ITPR3: variants seen among roughly 807,000 people sequenced by gnomAD.
ITPR3 encodes the protein inositol 1,4,5-trisphosphate receptor type 3, also known as inositol 1,4,5-trisphosphate-gated calcium channel ITPR3.
Under a neutral mutation model 293.2 loss-of-function variants are expected in ITPR3, and 173 were observed. That is an observed-to-expected ratio of 0.59 (90% CI 0.52 to 0.67). The LOEUF (loss-of-function observed/expected upper bound fraction) is 0.67, where lower values mean the gene tolerates loss of function less well. ITPR3 is among the 30% of genes least tolerant of loss of function. ITPR3 has a pLI of 0.00. For synonymous variants in ITPR3, 1,295 were observed against 1,444.4 expected, an observed-to-expected ratio of 0.90 and a Z score of 2.35; for missense variants, 2,796 against 3,592.1, an observed-to-expected ratio of 0.78 and a Z score of 5.66.
intron 24 of ITPR3, among the ~76,000 whole-genome samples, chr6:33,674,696 T>A (rs185621030): frequency 6.6e-6 from 1 of 152,260 alleles, no homozygotes; most frequent in African/African-American, 2.4e-5. Context: ...GCTTATGGAC[T>A]GCTTTTCAGA....
At position 33,678,726 on chromosome 6, in the gene ITPR3, G is replaced by C. The variant is rs752025396; in HGVS notation, c.3859G>C (p.Val1287Leu). The change falls in exon 30 of 58, where the codon GTG becomes CTG. Residue 1287 changes from valine (V) to leucine (L), a missense_variant. This residue lies in a region of ITPR3 where 344 missense variants were observed against 460.3 expected (regional missense o/e 0.75). Transcript: ENST00000605930. Reference protein sequence around the residue: ...EISEPVLQHFVHLLATHGRHV... With the variant: ...EISEPVLQHFLHLLATHGRHV... ...CAGCGAGCCTGTGTTGCAGCACTTC[G>C]TGCACCTGCTGGCCACGCACGGGCG... The C allele has an allele frequency of 1.2e-6, 2 of 1,613,450 alleles. No individual in the cohort carries two copies. The highest frequency in any genetic ancestry group is 2.2e-5 in the East Asian group (1 of 44,868).
chr6:33,677,777 C>T (rs1481449022), intron 28 of ITPR3, 148 bp downstream of exon 28: 2 of 887,932 alleles, frequency 2.3e-6, no homozygotes, highest in East Asian at 2.7e-5. Context: ...CACACCTTGA[C>T]CCCTGAACCC....
chr6:33,662,943 T>G lies in ITPR3; in HGVS notation c.891T>G (p.Ala297=). ...VVHHDPCRGG[A]GHWNGLYRFK... is the part of the protein sequence containing the mutation. ...ACCACGACCCCTGCCGTGGAGGAGCTGGGCACTGGAATGGCTTGTACCGCT... is the reference window on the plus strand; with the variant it reads ...ACCACGACCCCTGCCGTGGAGGAGCGGGGCACTGGAATGGCTTGTACCGCT... The change falls in exon 9 of 58, where the codon GCT becomes GCG. Residue 297 remains alanine (A), a synonymous_variant. Transcript: ENST00000605930. 1 of 1,605,052 alleles carries G rather than the reference T, an allele frequency of 6.2e-7. No homozygotes were observed. Among genetic ancestry groups the G allele is most frequent in the Admixed American group, 1.7e-5 (1 of 58,946 alleles).
rs1764986894 is a variant in ITPR3 at position 33,678,780 on chromosome 6, A to G, written c.3913A>G (p.Thr1305Ala). ...RHVQYLDFLH[T>A]VIKAEGKYVK... ...TGTGCAGTACCTGGACTTCCTGCACACCGTCATTAAGGCCGAGGGCAAGTA... is the reference window on the plus strand; with the variant it reads ...TGTGCAGTACCTGGACTTCCTGCACGCCGTCATTAAGGCCGAGGGCAAGTA... Residue 1305 changes from threonine to alanine, a missense_variant, in exon 30 of 58, where the codon ACC (threonine) becomes GCC (alanine). Thr to Ala is a moderately conservative substitution (Grantham distance 58). Coordinates refer to ENST00000605930, the MANE Select transcript of ITPR3 (RefSeq NM_002224.4). The G allele has an allele frequency of 1.2e-6, 2 of 1,613,612 alleles. No homozygotes were observed. The highest frequency in any genetic ancestry group is 1.7e-6 in the Non-Finnish European group (2 of 1,179,904).
Position 33,684,048 on chromosome 6 carries a change from T to C in ITPR3, c.4817T>C (p.Leu1606Pro). ...QDIITALEERLKPLVQAELSV... is the reference protein window; with the variant it reads ...QDIITALEERPKPLVQAELSV... ...ATCATCACAGCCCTGGAGGAGCGGC[T>C]GAAGCCCCTGGTACAGGCTGAGCTG... is the stretch of plus-strand genomic sequence containing the variant. The change falls in exon 36 of 58, where the codon CTG becomes CCG. Residue 1606 changes from leucine to proline, a missense_variant. By Grantham distance (98) the Leu-to-Pro change is moderately conservative. Around this residue, in one of 8 missense-constraint regions of ITPR3, gnomAD observed 704 missense variants for 797.5 expected, o/e 0.88. Transcript: ENST00000605930. This position sits in a 1 kb window ranked among gnomAD's most constrained non-coding sequence, Gnocchi z 4.2. 3.1e-6 allele frequency: 5 copies of C among 1,610,992 alleles called. No homozygotes were observed. Among genetic ancestry groups the C allele is most frequent in the Non-Finnish European group, 4.2e-6 (5 of 1,179,658 alleles).
At chr6:33,651,048 G>C (rs531995716) in intron 2 of ITPR3, among the ~76,000 whole-genome samples, 1 of 151,690 alleles carries the variant, frequency 6.6e-6, no homozygotes, top group Non-Finnish European at 1.5e-5. Flanking sequence ...AGGCCGAGAC[G>C]GGTGGATCAC....
At chr6:33,645,004 C>T (rs1382767675) in intron 2 of ITPR3, among the ~76,000 whole-genome samples, 1 of 151,454 alleles carries the variant, frequency 6.6e-6, no homozygotes, top group Non-Finnish European at 1.5e-5. Flanking sequence ...TAAAGGTAGC[C>T]TCCTGGACAA....
At chr6:33,637,366 T>A (rs1432130738) in intron 1 of ITPR3, among the ~76,000 whole-genome samples, 1 of 152,214 alleles carries the variant, frequency 6.6e-6, no homozygotes, top group Non-Finnish European at 1.5e-5. Context: ...GAGATTAATA[T>A]GGAGCAGGAG....
intron 56 of ITPR3, chr6:33,694,678 C>A: frequency 1.9e-6 from 1 of 527,682 alleles, no homozygotes; most frequent in East Asian, 3.4e-5. Flanking sequence ...GACTCAAACT[C>A]AGCTGCCGAC....
chr6:33,628,357 T>C (rs1225464648), intron 1 of ITPR3, among the ~76,000 whole-genome samples: 1 of 152,186 alleles, frequency 6.6e-6, no homozygotes, highest in Non-Finnish European at 1.5e-5. Context: ...CACAGGCCTC[T>C]GAATGTGAGC....
At chr6:33,685,984 G>A (rs375558240) in intron 41 of ITPR3, 69 bp from the exon 42 acceptor site, 546 of 1,576,178 alleles carry the variant, frequency 3.5e-4, no homozygotes, top group Non-Finnish European at 4.4e-4. Flanking sequence ...ACACAAGATC[G>A]TGCTTCCCAG....
At position 33,670,502 on chromosome 6, in the gene ITPR3, C is replaced by A; in HGVS notation, c.2367C>A (p.Asp789Glu). The A allele has an allele frequency of 6.2e-7, 1 of 1,613,954 alleles. No individual in the cohort carries two copies. The highest frequency in any genetic ancestry group is 1.1e-5 in the South Asian group (1 of 91,084). Residue 789 changes from aspartate (D) to glutamate (E), a missense_variant, in exon 19 of 58, where the codon GAC becomes GAA. Physicochemically the swap from Asp to Glu is conservative, Grantham distance 45. Transcript: ENST00000605930. The surrounding 1 kb of genome is among the most constrained non-coding windows in gnomAD (Gnocchi z 6.7). ...HLMLHVHVDR[D>E]PQELVTPVKF... is the part of the protein sequence containing the mutation. ...TGCTGCACGTGCACGTGGACCGTGA[C>A]CCCCAGGAGCTGGTCACGCCGGTCA...
Position 33,655,629 on chromosome 6 carries a change from G to T in ITPR3, c.161-137G>T. On this transcript the variant is annotated intron_variant, in intron 2 of 57. Transcript: ENST00000605930. This position sits in a 1 kb window ranked among gnomAD's most constrained non-coding sequence, Gnocchi z 4.9. Reference sequence around the variant, plus strand: ...CAAATTCTGTGAGGTTCTTCCAACCGCTTCCTCTCTACCTGCAGCGGGGAA... The same window carrying T: ...CAAATTCTGTGAGGTTCTTCCAACCTCTTCCTCTCTACCTGCAGCGGGGAA... 4 of 1,147,120 alleles carry T rather than the reference G, an allele frequency of 3.5e-6. No individual in the cohort carries two copies. Among genetic ancestry groups the T allele is most frequent in the South Asian group, 3.0e-5 (2 of 67,024 alleles). 71.1% of individuals were successfully genotyped at this position (1,147,120 alleles called of 1,614,324 possible).
Position 33,643,548 on chromosome 6 carries a change from C to T in ITPR3, c.160+2994C>T, listed in dbSNP as rs113685003. On this transcript the variant is annotated intron_variant, in intron 2 of 57. Coordinates refer to ENST00000605930, the MANE Select transcript of ITPR3 (RefSeq NM_002224.4). ...TGAACTCTGCCTGGCTGTAACGTTT[C>T]GGGCTGTGGCTGCCGTGAGTCCCGA... Among the ~76,000 whole-genome samples, 341 of 152,388 alleles carry T rather than the reference C, an allele frequency of 2.2e-3. 4 individuals are homozygous for T. The highest frequency in any genetic ancestry group is 7.6e-3 in the African/African-American group (318 of 41,596).
chr6:33,641,459 CT>C (rs936307855), intron 2 of ITPR3, among the ~76,000 whole-genome samples: 4 of 152,188 alleles, frequency 2.6e-5, no homozygotes, highest in African/African-American at 9.7e-5. Flanking sequence ...GGCTGGCTGG[CT>C]GGCGGCCGGG....
intron 7 of ITPR3, among the ~76,000 whole-genome samples, chr6:33,661,169 G>A (rs957021468): frequency 3.9e-5 from 6 of 152,150 alleles, no homozygotes; most frequent in East Asian, 1.9e-4. Context: ...TCTTTATATC[G>A]TCATTCATTC....
chr6:33,648,904 ATT>A (rs879650876), intron 2 of ITPR3, among the ~76,000 whole-genome samples: 1 of 140,044 alleles, frequency 7.1e-6, no homozygotes, highest in African/African-American at 2.7e-5. Context: ...TGCCATGTGT[ATT>A]TTTTTTTTTC....
chr6:33,684,826 G>C lies in ITPR3; in HGVS notation c.5190G>C (p.Lys1730Asn), dbSNP rs757937680. The C allele has an allele frequency of 5.0e-6, 8 of 1,614,014 alleles. No homozygotes were observed. In the East Asian group the frequency reaches 1.6e-4, roughly 31 times the overall value. Residue 1730 changes from lysine to asparagine, a missense_variant, in exon 39 of 58, where the codon AAG (lysine) becomes AAC (asparagine). Around this residue, in one of 8 missense-constraint regions of ITPR3, gnomAD observed 704 missense variants for 797.5 expected, o/e 0.88. Transcript: ENST00000605930. This position sits in a 1 kb window ranked among gnomAD's most constrained non-coding sequence, Gnocchi z 4.2. ...CAGCCACCCAGTGCCGGCTGGACAAGGAGGGGGCCACCAAGTTGGTATGCG... is the reference window on the plus strand; with the variant it reads ...CAGCCACCCAGTGCCGGCTGGACAACGAGGGGGCCACCAAGTTGGTATGCG... ...AIAATQCRLD[K>N]EGATKLVCDL...
At chr6:33,648,814 T>C (rs1764126581) in intron 2 of ITPR3, among the ~76,000 whole-genome samples, 1 of 152,104 alleles carries the variant, frequency 6.6e-6, no homozygotes, top group African/African-American at 2.4e-5. Flanking sequence ...AGGCTGGTCT[T>C]GAACTCCTAG....
Sources: gnomAD v4.1 joint callset for allele counts (sites outside exome capture counted in the v4.1 genomes callset) on GRCh38, gnomAD v4.1.1 for gene constraint, gnomAD v4.1.1 regional missense constraint, Gnocchi (gnomAD v3.1) non-coding constraint, MANE v1.5 for transcripts, NCBI Gene and HGNC (gene_info 2026-07-23, HGNC 2026-07-21) for gene names.